Variants in ATG9A observed in about 807,000 individuals in gnomAD.
ATG9A encodes autophagy-related protein 9A.
Under a neutral mutation model 87.1 loss-of-function variants are expected in ATG9A, and 21 were observed. The observed-to-expected ratio is 0.24, with a 90% CI of 0.17 to 0.35. The LOEUF is 0.35. ATG9A is among the 10% of genes least tolerant of loss of function. The pLI, the probability that ATG9A is intolerant of heterozygous loss-of-function variation, is 1.00. For missense variants in ATG9A, 836 were observed against 1,107.3 expected (o/e 0.76, Z 3.48); for synonymous variants, 422 against 441.3 (o/e 0.96, Z 0.55).
rs1445977627 is a variant in ATG9A, at chr2:219,222,303, C to T, written c.1996G>A (p.Gly666Ser). The change falls in exon 12 of 16, where the codon GGC becomes AGC. Residue 666 changes from glycine (G) to serine (S), a missense_variant. Coordinates refer to ENST00000361242, the MANE Select transcript of ATG9A (RefSeq NM_001077198.3). This position sits in a 1 kb window ranked among gnomAD's most constrained non-coding sequence, Gnocchi z 4.3. ...CCTGTCATGGTGCTGTGAGCCCGGC[C>T]TGTGGGCGCCTGCCCGGGTTGCAGC... is the stretch of plus-strand genomic sequence containing the variant. ...SPLQPGQAPT[G>S]RAHSTMTGSG... The T allele has an allele frequency of 1.1e-5, 17 of 1,613,298 alleles. No individual in the cohort carries two copies. In the African/African-American group the frequency reaches 2.3e-4, roughly 22 times the overall value.
rs1950952039 is a variant in ATG9A at position 219,229,342 on chromosome 2, C to G, written c.-82+193G>C. 6.6e-6 allele frequency: 1 copy of G among 151,726 alleles called. No homozygotes were observed. Among genetic ancestry groups the G allele is most frequent in the Middle Eastern group, 3.4e-3 (1 of 292 alleles). 9.4% of individuals were successfully genotyped at this position (151,726 alleles called of 1,614,324 possible). On this transcript the variant is annotated intron_variant, in intron 1 of 15. Coordinates refer to ENST00000361242, the MANE Select transcript of ATG9A (RefSeq NM_001077198.3). This position sits in a 1 kb window ranked among gnomAD's most constrained non-coding sequence, Gnocchi z 4.2. ...GCTCCCAACAGCGGACAACCTCGCG[C>G]GCGGCCCCGGCGCCCGCGCGCGCCC...
chr2:219,221,103 TG>T lies in ATG9A; in HGVS notation c.2344del (p.Gln782ArgfsTer62), dbSNP rs1441025994. The T allele has an allele frequency of 6.2e-7, 1 of 1,613,156 alleles. No individual in the cohort carries two copies. The highest frequency in any genetic ancestry group is 1.1e-5 in the South Asian group (1 of 90,964). On this transcript the variant is annotated frameshift_variant, in exon 14 of 16. Coordinates refer to ENST00000361242, the MANE Select transcript of ATG9A (RefSeq NM_001077198.3). LOFTEE classifies it high-confidence loss of function. Reference protein sequence around the residue: ...PETTALHGGFQRRYGGITDPG... With the variant: ...PETTALHGGFXRRYGGITDPG... ...ACCTGTGATGCCACCGTAGCGCCTC[TG>T]GAAGCCCCCATGCAGGGCAGTGGTC...
rs529832487 is a variant in ATG9A, at chr2:219,222,454, T to C, written c.1849-4A>G. The C allele has an allele frequency of 1.1e-5, 17 of 1,553,346 alleles. No homozygotes were observed. The Admixed American group carries it at 2.8e-4, about 25-fold the overall frequency. On this transcript the variant is annotated splice_polypyrimidine_tract_variant and splice_region_variant and intron_variant, in intron 11 of 15. Coordinates refer to ENST00000361242, the MANE Select transcript of ATG9A (RefSeq NM_001077198.3). This position sits in a 1 kb window ranked among gnomAD's most constrained non-coding sequence, Gnocchi z 4.3. ...CATTTGCGATAAGGCTCAGGGGCTATGAACGAAACGGGTAGGTAGAATTCT... is the reference window on the plus strand; with the variant it reads ...CATTTGCGATAAGGCTCAGGGGCTACGAACGAAACGGGTAGGTAGAATTCT...
intron 15 of ATG9A, 23 bp downstream of exon 15, chr2:219,220,724 T>C (rs1186215056): frequency 1.2e-6 from 2 of 1,604,810 alleles, no homozygotes; most frequent in Non-Finnish European, 8.5e-7. Flanking sequence ...CTGGCAGTTT[T>C]TCCTAGGCCC....
Position 219,220,324 on chromosome 2 carries a change from C to G in ATG9A, c.*123G>C. ...GGCACCTCCCTTGGCCAGGCACAGA[C>G]ACACAAACACCACACACGTGGGGCC... On this transcript the variant is annotated 3_prime_UTR_variant, in exon 16 of 16. Coordinates refer to ENST00000361242, the MANE Select transcript of ATG9A (RefSeq NM_001077198.3). The G allele has an allele frequency of 7.4e-7, 1 of 1,345,852 alleles. No homozygotes were observed. Among genetic ancestry groups the G allele is most frequent in the Non-Finnish European group, 1.0e-6 (1 of 964,600 alleles). The allele number at this position is 1,345,852 out of a possible 1,614,324, so 83.4% of individuals were successfully genotyped here. A position where few individuals can be genotyped will look rare whatever the true frequency, so the allele number is the denominator to read the frequency against.
rs1365968995 is a variant in ATG9A, at chr2:219,223,604, C to T, written c.1580G>A (p.Arg527His). Reference protein sequence around the residue: ...DTCSFAQMDVRQHGHPQWLSA... With the variant: ...DTCSFAQMDVHQHGHPQWLSA... ...CAGTACCTGGGGATGACCATGCTGG[C>T]GAACATCCATCTGAGCAAAGGAGCA... Residue 527 changes from arginine to histidine, a missense_variant, in exon 10 of 16, where the codon CGC becomes CAC. Physicochemically the swap from Arg to His is conservative, Grantham distance 29. This residue lies in a region of ATG9A where 512 missense variants were observed against 759.6 expected (regional missense o/e 0.67). Coordinates refer to ENST00000361242, the MANE Select transcript of ATG9A (RefSeq NM_001077198.3). The surrounding 1 kb of genome is among the most constrained non-coding windows in gnomAD (Gnocchi z 4.7). 2.5e-6 allele frequency: 4 copies of T among 1,607,830 alleles called. No homozygotes were observed. The highest frequency in any genetic ancestry group is 2.5e-6 in the Non-Finnish European group (3 of 1,176,538).
At chr2:219,220,696 C>T in intron 15 of ATG9A, 51 bp downstream of exon 15, 4 of 1,600,240 alleles carry the variant, frequency 2.5e-6, no homozygotes, top group Non-Finnish European at 2.6e-6. Flanking sequence ...TGTTACCTCA[C>T]CCTGGAAGTT....
Position 219,224,639 on chromosome 2 carries a change from G to A in ATG9A, c.732C>T (p.Thr244=). 1 of 1,614,214 alleles carries A rather than the reference G, an allele frequency of 6.2e-7. No homozygotes were observed. Among genetic ancestry groups the A allele is most frequent in the Non-Finnish European group, 8.5e-7 (1 of 1,180,050 alleles). ...LPGLGEAVFF[T]RGLKYNFELI... The stretch of plus-strand genomic sequence containing the variant: ...GCTCAAAGTTGTACTTGAGACCACG[G>A]GTGAAGAAGACAGCTTCCCCGAGGC... The change falls in exon 8 of 16, where the codon ACC becomes ACT. Residue 244 remains threonine, a synonymous_variant. Coordinates refer to ENST00000361242, the MANE Select transcript of ATG9A (RefSeq NM_001077198.3). The surrounding 1 kb of genome is among the most constrained non-coding windows in gnomAD (Gnocchi z 7.7).
intron 4 of ATG9A, among the ~76,000 whole-genome samples, chr2:219,227,162 C>T (rs1950878837): frequency 6.6e-6 from 1 of 152,230 alleles, no homozygotes; most frequent in South Asian, 2.1e-4. Flanking sequence ...AAGCATTTAA[C>T]ACAGAGCTGA....
At position 219,223,695 on chromosome 2, in the gene ATG9A, G is replaced by A. The variant is rs1393817448; in HGVS notation, c.1489C>T (p.Arg497Trp). Residue 497 changes from arginine (R) to tryptophan (W), a missense_variant, in exon 10 of 16, where the codon CGG becomes TGG. Arg to Trp is a moderately radical substitution (Grantham distance 101, BLOSUM62 -3). Coordinates refer to ENST00000361242, the MANE Select transcript of ATG9A (RefSeq NM_001077198.3). This position sits in a 1 kb window ranked among gnomAD's most constrained non-coding sequence, Gnocchi z 4.7. ...PLILIFCLRP[R>W]ALEIIDFFRN... Reference sequence around the variant, plus strand: ...AAGAAGTCTATAATCTCCAGGGCCCGTGGGCGCAGGCAGAAGATGAGGATG... The same window carrying A: ...AAGAAGTCTATAATCTCCAGGGCCCATGGGCGCAGGCAGAAGATGAGGATG... 7 of 1,613,808 alleles carry A rather than the reference G, an allele frequency of 4.3e-6. No homozygotes were observed. The highest frequency in any genetic ancestry group is 1.1e-5 in the South Asian group (1 of 91,068).
rs200265800 is a variant in ATG9A, at chr2:219,222,771, T to C, written c.1722A>G (p.Thr574=). The change falls in exon 11 of 16, where the codon ACA becomes ACG. Residue 574 remains threonine, a synonymous_variant. Coordinates refer to ENST00000361242, the MANE Select transcript of ATG9A (RefSeq NM_001077198.3). This position sits in a 1 kb window ranked among gnomAD's most constrained non-coding sequence, Gnocchi z 4.3. ...GCTCCTTGAGGAAGCCTAGGAAGGC[T>C]GTGCTCTCACGTGGTGGCTGCCAGC... The part of the protein sequence containing the change: ...NPGWQPPRES[T]AFLGFLKEQV... 958 of 1,614,218 alleles carry C rather than the reference T, an allele frequency of 5.9e-4. 14 individuals carry two copies. In the African/African-American group the frequency reaches 0.011, roughly 18 times the overall value.
intron 13 of ATG9A, among the ~76,000 whole-genome samples, chr2:219,221,601 G>A (rs1050186113): frequency 6.6e-6 from 1 of 152,168 alleles, no homozygotes; most frequent in Non-Finnish European, 1.5e-5. Flanking sequence ...GGAGATAGCA[G>A]TGAACAAAAC....
At position 219,220,750 on chromosome 2, in the gene ATG9A, G is replaced by C; in HGVS notation, c.2511C>G (p.His837Gln). The C allele has an allele frequency of 1.2e-6, 2 of 1,612,984 alleles. No homozygotes were observed. The highest frequency in any genetic ancestry group is 1.7e-6 in the Non-Finnish European group (2 of 1,179,676). Residue 837 changes from histidine to glutamine, a missense_variant, in exon 15 of 16, where the codon CAC (histidine) becomes CAG (glutamine). Physicochemically the swap from His to Gln is conservative, Grantham distance 24 (BLOSUM62 0). Around this residue, in one of 2 missense-constraint regions of ATG9A, gnomAD observed 324 missense variants for 347.6 expected, o/e 0.93. Coordinates refer to ENST00000361242, the MANE Select transcript of ATG9A (RefSeq NM_001077198.3). ...TCCTAGGCCCCGGGGCCCTTACCTT[G>C]TGCACCTGAGGGGGTAGCTCATCCT... The part of the protein sequence containing the change: ...GSEDELPPQV[H>Q]KV
chr2:219,220,776 C>T lies in ATG9A; in HGVS notation c.2485G>A (p.Glu829Lys). 1 of 1,613,556 alleles carries T rather than the reference C, an allele frequency of 6.2e-7. No individual in the cohort carries two copies. The highest frequency in any genetic ancestry group is 8.5e-7 in the Non-Finnish European group (1 of 1,179,976). The change falls in exon 15 of 16, where the codon GAG (glutamate) becomes AAG (lysine). Residue 829 changes from glutamate (E) to lysine (K), a missense_variant. By Grantham distance (56) the Glu-to-Lys change is moderately conservative. Around this residue, in one of 2 missense-constraint regions of ATG9A, gnomAD observed 324 missense variants for 347.6 expected, o/e 0.93. Transcript: ENST00000361242. ...HPEPVPEEGS[E>K]DELPPQVHKV ...TGCACCTGAGGGGGTAGCTCATCCTCCGAGCCCTCTTCGGGCACGGGCTCA... is the reference window on the plus strand; with the variant it reads ...TGCACCTGAGGGGGTAGCTCATCCTTCGAGCCCTCTTCGGGCACGGGCTCA...
In ATG9A at chr2:219,224,241, G is replaced by C; in HGVS notation, c.1130C>G (p.Ala377Gly). The change falls in exon 8 of 16, where the codon GCC becomes GGC. Residue 377 changes from alanine to glycine, a missense_variant. Physicochemically the swap from Ala to Gly is moderately conservative, Grantham distance 60. Coordinates refer to ENST00000361242, the MANE Select transcript of ATG9A (RefSeq NM_001077198.3). The surrounding 1 kb of genome is among the most constrained non-coding windows in gnomAD (Gnocchi z 7.7). The stretch of plus-strand genomic sequence containing the variant: ...GCCAGCGAAGAAGGCTCCATTCTTG[G>C]CCAGCAGTGTCAAAAGAGGTGACAA... Reference protein sequence around the residue: ...CFLSPLLTLLAKNGAFFAGSI... With the variant: ...CFLSPLLTLLGKNGAFFAGSI... 1 of 1,613,924 alleles carries C rather than the reference G, an allele frequency of 6.2e-7. No individual in the cohort carries two copies. Among genetic ancestry groups the C allele is most frequent in the Non-Finnish European group, 8.5e-7 (1 of 1,180,050 alleles).
rs898788548 is a variant in ATG9A, at chr2:219,223,385, G to A, written c.1599+200C>T. On this transcript the variant is annotated intron_variant, in intron 10 of 15. Transcript: ENST00000361242. The surrounding 1 kb of genome is among the most constrained non-coding windows in gnomAD (Gnocchi z 4.7). ...TTACAGACGTGAGCCACCGCGCCTG[G>A]CCGTGTTGTGCCTTTCTTAAGGGAG... Among the ~76,000 whole-genome samples, 11 of 152,100 alleles carry A rather than the reference G, an allele frequency of 7.2e-5. No homozygotes were observed. Among genetic ancestry groups the A allele is most frequent in the Admixed American group, 1.3e-4 (2 of 15,270 alleles).
At position 219,221,220 on chromosome 2, in the gene ATG9A, G is replaced by A; in HGVS notation, c.2228C>T (p.Pro743Leu). ...CCGGGCGCCCTCTCCCCCTTCATCA[G>A]GGGCGCTTTCTCCACTCTCATCACT... ...RESDESGESA[P>L]DEGGEGARAP... Residue 743 changes from proline (P) to leucine (L), a missense_variant, in exon 14 of 16, where the codon CCT (proline) becomes CTT (leucine). Coordinates refer to ENST00000361242, the MANE Select transcript of ATG9A (RefSeq NM_001077198.3). 1 of 1,589,034 alleles carries A rather than the reference G, an allele frequency of 6.3e-7. No homozygotes were observed. Among genetic ancestry groups the A allele is most frequent in the African/African-American group, 1.3e-5 (1 of 74,116 alleles).
intron 1 of ATG9A, 152 bp from the exon 2 acceptor site, chr2:219,228,637 G>A (rs1336966232): frequency 6.6e-6 from 1 of 152,462 alleles, no homozygotes; most frequent in African/African-American, 2.4e-5. Context: ...CCAGGACTAC[G>A]AGCACTTCCT....
Position 219,223,671 on chromosome 2 carries a change from A to G in ATG9A, c.1513T>C (p.Phe505Leu). Reference sequence around the variant, plus strand: ...ACGACCTCCACGGTGAAGTTTCGGAAGAAGTCTATAATCTCCAGGGCCCGT... The same window carrying G: ...ACGACCTCCACGGTGAAGTTTCGGAGGAAGTCTATAATCTCCAGGGCCCGT... ...RPRALEIIDF[F>L]RNFTVEVVGV... Residue 505 changes from phenylalanine to leucine, a missense_variant, in exon 10 of 16, where the codon TTC becomes CTC. By Grantham distance (22) the Phe-to-Leu change is conservative (BLOSUM62 0). Coordinates refer to ENST00000361242, the MANE Select transcript of ATG9A (RefSeq NM_001077198.3). The surrounding 1 kb of genome is among the most constrained non-coding windows in gnomAD (Gnocchi z 4.7). 1 of 1,613,914 alleles carries G rather than the reference A, an allele frequency of 6.2e-7. No homozygotes were observed. Among genetic ancestry groups the G allele is most frequent in the East Asian group, 2.2e-5 (1 of 44,848 alleles).
Sources: allele counts gnomAD v4.1 joint callset (sites outside exome capture counted in the v4.1 genomes callset), GRCh38; gene constraint gnomAD v4.1.1; regional missense constraint gnomAD v4.1.1; non-coding constraint Gnocchi (gnomAD v3.1); transcripts MANE v1.5; gene names NCBI Gene and HGNC (gene_info 2026-07-23, HGNC 2026-07-21).